Variants in PPP6R2 observed in about 807,000 individuals in gnomAD.
The protein encoded by PPP6R2 is serine/threonine-protein phosphatase 6 regulatory subunit 2.
PPP6R2 carries 62 observed loss-of-function variants against 100.2 expected under a neutral mutation model. The ratio of observed to expected loss-of-function variants is 0.62; its 90% CI spans 0.50 to 0.76. The LOEUF (loss-of-function observed/expected upper bound fraction) is 0.76, where lower values mean the gene tolerates loss of function less well. Among genes scored for constraint, PPP6R2 ranks in the 30% least tolerant of loss-of-function variants. PPP6R2 has a pLI of 0.00. For synonymous variants in PPP6R2, 525 were observed against 514.7 expected, an observed-to-expected ratio of 1.02 and a Z score of -0.27; for missense variants, 1,142 against 1,276.3, an observed-to-expected ratio of 0.89 and a Z score of 1.60.
rs2064767700 is a variant in PPP6R2 at position 50,438,025 on chromosome 22, A to C, written c.1839+125A>C. The C allele has an allele frequency of 2.7e-6, 4 of 1,495,298 alleles. No individual in the cohort carries two copies. The South Asian group carries it at 3.6e-5, about 14-fold the overall frequency. 92.6% of individuals were successfully genotyped at this position (1,495,298 alleles called of 1,614,324 possible). A position where few individuals can be genotyped will look rare whatever the true frequency, so the allele number is the denominator to read the frequency against. ...GGAGAGGCCCCTCTGTGGAGCTCGG[A>C]ACAGTCGCTTTCCTTGCCCCTCCCC... On this transcript the variant is annotated intron_variant, in intron 17 of 23. Coordinates refer to ENST00000612753, the MANE Select transcript of PPP6R2 (RefSeq NM_001242898.2).
At chr22:50,359,257 C>T (rs1160214465) in intron 1 of PPP6R2, among the ~76,000 whole-genome samples, 4 of 136,588 alleles carry the variant, frequency 2.9e-5, no homozygotes, top group African/African-American at 5.8e-5. Context: ...CTTGCTCTGT[C>T]GCCCAGGCTG....
intron 9 of PPP6R2, among the ~76,000 whole-genome samples, chr22:50,422,699 G>A (rs1466802583): frequency 6.6e-6 from 1 of 152,176 alleles, no homozygotes; most frequent in Non-Finnish European, 1.5e-5. Context: ...GGGGTGGCAG[G>A]GGAGGCCCTT....
intron 1 of PPP6R2, among the ~76,000 whole-genome samples, chr22:50,346,706 A>G (rs2043830541): frequency 7.4e-6 from 1 of 135,266 alleles, no homozygotes. Context: ...CGCATCTGTC[A>G]GTCCGCGCAC....
chr22:50,418,313 C>T (rs2060821420), intron 6 of PPP6R2, among the ~76,000 whole-genome samples: 1 of 152,088 alleles, frequency 6.6e-6, no homozygotes. Flanking sequence ...AAGGCAGACA[C>T]AGGCTTCTTT....
intron 6 of PPP6R2, among the ~76,000 whole-genome samples, chr22:50,417,408 T>C (rs1480187522): frequency 6.6e-6 from 1 of 152,060 alleles, no homozygotes; most frequent in Non-Finnish European, 1.5e-5. Context: ...AGGGGCCCCC[T>C]AGGAGCCACC....
At chr22:50,358,432 A>G (rs2047063466) in intron 1 of PPP6R2, among the ~76,000 whole-genome samples, 1 of 151,716 alleles carries the variant, frequency 6.6e-6, no homozygotes, top group Non-Finnish European at 1.5e-5. Context: ...TGTTTTTTGT[A>G]GAAGCTTTAC....
chr22:50,403,888 A>G (rs888459074), intron 3 of PPP6R2, among the ~76,000 whole-genome samples: 4 of 151,968 alleles, frequency 2.6e-5, no homozygotes, highest in Non-Finnish European at 4.4e-5. Flanking sequence ...AGGCCTGGCC[A>G]GCTGTTTCCT....
chr22:50,402,637 G>A (rs1052952813), intron 3 of PPP6R2, among the ~76,000 whole-genome samples: 2 of 152,126 alleles, frequency 1.3e-5, no homozygotes, highest in African/African-American at 2.4e-5. Context: ...CTGGTTCGTC[G>A]TTTCTGCCTC....
intron 1 of PPP6R2, among the ~76,000 whole-genome samples, chr22:50,362,005 G>T (rs1283634731): frequency 6.6e-6 from 1 of 152,198 alleles, no homozygotes; most frequent in Non-Finnish European, 1.5e-5. Context: ...TTCCAGAGCT[G>T]CTCAGTGATG....
At chr22:50,348,735 T>TG (rs1602007850) in intron 1 of PPP6R2, among the ~76,000 whole-genome samples, 1 of 152,038 alleles carries the variant, frequency 6.6e-6, no homozygotes, top group Non-Finnish European at 1.5e-5. Flanking sequence ...ACTGTCATCA[T>TG]GGGGGCAAGG....
At chr22:50,360,119 G>T (rs896046544) in intron 1 of PPP6R2, among the ~76,000 whole-genome samples, 4 of 148,174 alleles carry the variant, frequency 2.7e-5, no homozygotes, top group African/African-American at 7.5e-5. Flanking sequence ...ATGGCACAAT[G>T]TCGGCTCACT....
At chr22:50,381,178 G>GGATCTT (rs1395701098) in intron 2 of PPP6R2, among the ~76,000 whole-genome samples, 1 of 151,362 alleles carries the variant, frequency 6.6e-6, no homozygotes, top group Non-Finnish European at 1.5e-5. Flanking sequence ...CATTTACGAG[G>GGATCTT]GATCTTCCCC....
At chr22:50,330,950 C>G in the PPP6R2 span, among the ~76,000 whole-genome samples, 2 of 152,082 alleles carry the variant, frequency 1.3e-5, no homozygotes, top group Non-Finnish European at 2.9e-5. Flanking sequence ...TCTGGATTTT[C>G]GTCCCATAAG....
chr22:50,404,980 C>T (rs1242125817), intron 3 of PPP6R2, among the ~76,000 whole-genome samples: 2 of 152,222 alleles, frequency 1.3e-5, no homozygotes, highest in African/African-American at 2.4e-5. Flanking sequence ...TGTCACCCAC[C>T]TCTGTCTACC....
At chr22:50,409,488 C>T (rs1003711711) in intron 4 of PPP6R2, among the ~76,000 whole-genome samples, 4 of 152,144 alleles carry the variant, frequency 2.6e-5, no homozygotes, top group African/African-American at 4.8e-5. Flanking sequence ...AGTGCAGTGG[C>T]GCAATCTCAG....
rs2066620832 is a variant in PPP6R2, at chr22:50,444,541, T to TGGGGGTG, written c.*299_*300insTGGGGGG. On this transcript the variant is annotated 3_prime_UTR_variant, in exon 24 of 24. Coordinates refer to ENST00000612753, the MANE Select transcript of PPP6R2 (RefSeq NM_001242898.2). ...GCAGGAGCCGGGGTGGGGGTGGGGGTGGGGGGGGCAGGACCCTGAGATGCC... is the reference window on the plus strand; with the variant it reads ...GCAGGAGCCGGGGTGGGGGTGGGGGTGGGGGTGGGGGGGGGCAGGACCCTGAGATGCC... 1.4e-5 allele frequency: 1 copy of TGGGGGTG among 72,584 alleles called. No homozygotes were observed. The highest frequency in any genetic ancestry group is 5.3e-5 in the African/African-American group (1 of 18,732). The allele number at this position is 72,584 out of a possible 1,614,324, so 4.5% of individuals were successfully genotyped here.
At chr22:50,352,581 T>G (rs1325120080) in intron 1 of PPP6R2, among the ~76,000 whole-genome samples, 1 of 151,742 alleles carries the variant, frequency 6.6e-6, no homozygotes, top group Non-Finnish European at 1.5e-5. Context: ...AAAAATTTGC[T>G]GGGTATGGTG....
chr22:50,338,870 A>G (rs1479376732), upstream of PPP6R2, among the ~76,000 whole-genome samples: 135 of 76,212 alleles, frequency 1.8e-3, no homozygotes, highest in South Asian at 6.7e-3. Flanking sequence ...TGTGTGTGGT[A>G]TGTAGTGTGT....
At chr22:50,443,633 A>T (rs2066370819) in intron 22 of PPP6R2, 8 of 577,502 alleles carry the variant, frequency 1.4e-5, no homozygotes, top group Admixed American at 3.0e-5. Context: ...TGCCTGGAGG[A>T]GGTTTGAGGT....
Sources: gnomAD v4.1 joint callset for allele counts (sites outside exome capture counted in the v4.1 genomes callset) on GRCh38, gnomAD v4.1.1 for gene constraint, MANE v1.5 for transcripts, NCBI Gene and HGNC (gene_info 2026-07-23, HGNC 2026-07-21) for gene names.